The following SUGT1 variants were observed in gnomAD, a reference collection of about 807,000 sequenced individuals.
SUGT1 encodes protein SGT1 homolog.
A neutral mutation model predicts 56.1 loss-of-function variants in SUGT1; 15 were observed. That is an observed-to-expected ratio of 0.27 (90% CI 0.18 to 0.41). The LOEUF (loss-of-function observed/expected upper bound fraction) is 0.41. Among genes scored for constraint, SUGT1 ranks in the 10% least tolerant of loss-of-function variants. The pLI, the probability that SUGT1 is intolerant of heterozygous loss-of-function variation, is 1.00. For missense variants in SUGT1, 347 were observed against 382.2 expected, an observed-to-expected ratio of 0.91 and a Z score of 0.77; for synonymous variants, 123 against 128.6, an observed-to-expected ratio of 0.96 and a Z score of 0.30.
At chr13:52,671,458 G>C (rs921971781) in intron 10 of SUGT1, among the ~76,000 whole-genome samples, 1 of 152,082 alleles carries the variant, frequency 6.6e-6, no homozygotes, top group Non-Finnish European at 1.5e-5. Flanking sequence ...TTGACCTGTG[G>C]AGAATAAGAA....
intron 9 of SUGT1, among the ~76,000 whole-genome samples, 193 bp downstream of exon 9, chr13:52,665,926 A>AT (rs1962682411): frequency 6.6e-6 from 1 of 152,038 alleles, no homozygotes; most frequent in South Asian, 2.1e-4. Context: ...CTGGATGTGC[A>AT]TTTTTTTCTT....
intron 10 of SUGT1, 46 bp downstream of exon 10, chr13:52,666,965 T>C (rs767740701): frequency 6.8e-6 from 9 of 1,320,520 alleles, no homozygotes; most frequent in Non-Finnish European, 9.7e-6. Context: ...TTCAAAATTA[T>C]AGAAATACTG....
At chr13:52,653,205 C>CA in intron 2 of SUGT1, 102 bp downstream of exon 2, 1 of 1,419,326 alleles carries the variant, frequency 7.0e-7, no homozygotes. Flanking sequence ...GACAGGGACC[C>CA]AGGCTCTTGT....
At chr13:52,677,708 AACCCGT>A (rs1213452980) in intron 11 of SUGT1, among the ~76,000 whole-genome samples, 2 of 812 alleles carry the variant, frequency 2.5e-3, no homozygotes, top group Non-Finnish European at 6.3e-3. Flanking sequence ...TTATTCTGTT[AACCCGT>A]TGTCTACTTG....
At chr13:52,662,369 G>A (rs1268724742) in intron 5 of SUGT1, among the ~76,000 whole-genome samples, 1 of 152,142 alleles carries the variant, frequency 6.6e-6, no homozygotes, top group Non-Finnish European at 1.5e-5. Context: ...CAGCGGGATT[G>A]GGGGAAATGC....
chr13:52,658,623 T>A (rs1962278219), intron 4 of SUGT1, among the ~76,000 whole-genome samples, 155 bp downstream of exon 4: 1 of 152,214 alleles, frequency 6.6e-6, no homozygotes, highest in Non-Finnish European at 1.5e-5. Flanking sequence ...CAACTTATAG[T>A]TCTATTATTT....
chr13:52,656,547 C>T lies in SUGT1; in HGVS notation c.97-985C>T, dbSNP rs185823263. ...GAACTTTCCATGGCTTTCCATCAAACGTAAGGTCCAAATTCCTTATAACTG... is the reference window on the plus strand; with the variant it reads ...GAACTTTCCATGGCTTTCCATCAAATGTAAGGTCCAAATTCCTTATAACTG... On this transcript the variant is annotated intron_variant, in intron 2 of 12. Coordinates refer to ENST00000310528, the MANE Select transcript of SUGT1 (RefSeq NM_006704.5). Among the ~76,000 whole-genome samples, 277 of 152,276 alleles carry T rather than the reference C, an allele frequency of 1.8e-3. 1 individual carries two copies. The highest frequency in any genetic ancestry group is 3.3e-3 in the Non-Finnish European group (224 of 68,012).
intron 6 of SUGT1, 40 bp downstream of exon 6, chr13:52,662,742 G>T: frequency 6.3e-7 from 1 of 1,583,674 alleles, no homozygotes; most frequent in African/African-American, 1.4e-5. Flanking sequence ...AATTTAAAAA[G>T]AAGTAAACAT....
intron 2 of SUGT1, among the ~76,000 whole-genome samples, chr13:52,655,321 C>T (rs1330260221): frequency 3.9e-5 from 6 of 152,122 alleles, no homozygotes; most frequent in South Asian, 2.1e-4. Context: ...CCAGCCCAGG[C>T]GACAGTGAGG....
chr13:52,695,422 G>A lies in SUGT1; in HGVS notation c.*7587G>A, dbSNP rs1963901501. 6.6e-6 allele frequency: 1 copy of A among 152,084 alleles called. No individual in the cohort carries two copies. The highest frequency in any genetic ancestry group is 2.4e-5 in the African/African-American group (1 of 41,412). 9.4% of individuals were successfully genotyped at this position (152,084 alleles called of 1,614,324 possible). A position where few individuals can be genotyped will look rare whatever the true frequency, so the allele number is the denominator to read the frequency against. ...ATACTTTCATAATTGTGTGTTTTGA[G>A]GGCAAGTGACTTATCTGAACTTTTT... On this transcript the variant is annotated 3_prime_UTR_variant, in exon 13 of 13. Transcript: ENST00000310528.
chr13:52,674,431 C>A (rs1017081725), intron 10 of SUGT1, among the ~76,000 whole-genome samples: 1 of 150,830 alleles, frequency 6.6e-6, no homozygotes, highest in African/African-American at 2.4e-5. Flanking sequence ...TAAAAATAAA[C>A]GCTTGAGACC....
At chr13:52,676,380 A>G in intron 11 of SUGT1, 60 bp downstream of exon 11, 1 of 1,348,598 alleles carries the variant, frequency 7.4e-7, no homozygotes, top group Non-Finnish European at 1.0e-6. Context: ...TTGAAATTAA[A>G]TAGTAATGAA....
chr13:52,658,741 T>C (rs1962284710), intron 4 of SUGT1, among the ~76,000 whole-genome samples: 2 of 982 alleles, frequency 2.0e-3, no homozygotes, highest in Admixed American at 0.017. Flanking sequence ...CACATTGCTT[T>C]TTTTTTTTTT....
chr13:52,665,017 C>G (rs183662119), intron 8 of SUGT1, among the ~76,000 whole-genome samples: 125 of 152,262 alleles, frequency 8.2e-4, no homozygotes, highest in Admixed American at 2.2e-3. Context: ...TAATTAGAAT[C>G]TAGACCCATT....
At chr13:52,665,565 C>A in intron 8 of SUGT1, 72 bp from the exon 9 acceptor site, 1 of 1,082,982 alleles carries the variant, frequency 9.2e-7, no homozygotes. Flanking sequence ...GTTTATCAGA[C>A]TAGTTTTTGT....
At chr13:52,665,485 G>GT in intron 8 of SUGT1, 152 bp from the exon 9 acceptor site, 1 of 562,872 alleles carries the variant, frequency 1.8e-6, no homozygotes, top group Non-Finnish European at 3.0e-6. Context: ...TAAAAAACTA[G>GT]TTATATAAAG....
rs1963314247 is a variant in SUGT1, at chr13:52,680,145, A to G, written c.890A>G (p.Asn297Ser). ...TCTGATGAAGTGAAACGTGCCATGA[A>G]CAAATCCTTTGTAAGAATATAAACT... ...DGSDEVKRAMNKSFMESGGTV... is the reference protein window; with the variant it reads ...DGSDEVKRAMSKSFMESGGTV... Residue 297 changes from asparagine (N) to serine (S), a missense_variant, in exon 12 of 13, where the codon AAC (asparagine) becomes AGC (serine). Transcript: ENST00000310528. The G allele has an allele frequency of 6.3e-7, 1 of 1,579,610 alleles. No individual in the cohort carries two copies. The highest frequency in any genetic ancestry group is 1.7e-4 in the Middle Eastern group (1 of 5,858).
At chr13:52,663,955 T>C (rs1962571091) in intron 7 of SUGT1, 80 bp from the exon 8 acceptor site, 1 of 1,290,412 alleles carries the variant, frequency 7.7e-7, no homozygotes, top group East Asian at 2.3e-5. Flanking sequence ...TAATAATACA[T>C]GCATTTTAAT....
intron 8 of SUGT1, among the ~76,000 whole-genome samples, chr13:52,665,109 A>C (rs1266303611): frequency 6.6e-6 from 1 of 152,126 alleles, no homozygotes; most frequent in Non-Finnish European, 1.5e-5. Context: ...ATATGATTTT[A>C]ATTTTAGTTC....
Sources: allele counts gnomAD v4.1 joint callset (sites outside exome capture counted in the v4.1 genomes callset), GRCh38; gene constraint gnomAD v4.1.1; transcripts MANE v1.5; gene names NCBI Gene and HGNC (gene_info 2026-07-23, HGNC 2026-07-21).